The following PHF14 variants were observed in gnomAD, a reference collection of about 807,000 sequenced individuals.
PHF14 encodes PHD finger protein 14.
PHF14 carries 55 observed loss-of-function variants against 117.9 expected under a neutral mutation model. That is an observed-to-expected ratio of 0.47 (90% confidence interval 0.38 to 0.58). PHF14 has a LOEUF of 0.58. Among genes scored for constraint, PHF14 ranks in the 20% least tolerant of loss-of-function variants. The pLI, the probability that PHF14 is intolerant of heterozygous loss-of-function variation, is 0.00. For missense variants in PHF14, 978 were observed against 1,122.2 expected, an observed-to-expected ratio of 0.87 and a Z score of 1.84; for synonymous variants, 409 against 368.6, an observed-to-expected ratio of 1.11 and a Z score of -1.26.
At chr7:11,026,900 C>T (rs1783932255) in intron 6 of PHF14, among the ~76,000 whole-genome samples, 1 of 152,096 alleles carries the variant, frequency 6.6e-6, no homozygotes, top group African/African-American at 2.4e-5. Flanking sequence ...GGCTTCTCTG[C>T]AAAATCAGAT....
At chr7:11,117,085 T>C (rs937868602) in intron 17 of PHF14, among the ~76,000 whole-genome samples, 3 of 151,986 alleles carry the variant, frequency 2.0e-5, no homozygotes, top group Non-Finnish European at 4.4e-5. Context: ...CATGAACATG[T>C]ATAAATATTT....
Position 11,012,379 on chromosome 7 carries a change from G to A in PHF14, c.1046-1368G>A, listed in dbSNP as rs557508690. ...TAGCACATATTCAAGTCCCACAGTC[G>A]GACCTGGGGAACTTGGGTTATGAAA... On this transcript the variant is annotated intron_variant, in intron 4 of 17. Transcript: ENST00000634607. Among the ~76,000 whole-genome samples the A allele has an allele frequency of 1.4e-4, 22 of 152,206 alleles. No individual in the cohort carries two copies. In the East Asian group the frequency reaches 2.9e-3, roughly 20 times the overall value.
rs144484603 is a variant in PHF14, at chr7:11,061,784, T to C, written c.2482-7T>C. 95 of 1,498,464 alleles carry C rather than the reference T, an allele frequency of 6.3e-5. 3 individuals are homozygous for C. The African/African-American group carries it at 1.2e-3, about 18-fold the overall frequency. 92.8% of individuals were successfully genotyped at this position (1,498,464 alleles called of 1,614,324 possible). A position where few individuals can be genotyped will look rare whatever the true frequency, so the allele number is the denominator to read the frequency against. ...TGTTTTTTGTTTTTTTTTTTGTTTT[T>C]TTCCAGAGAACCAGAGGACGAAAAC... On this transcript the variant is annotated splice_region_variant and splice_polypyrimidine_tract_variant and intron_variant, in intron 14 of 17. Transcript: ENST00000634607.
At chr7:10,987,591 A>T (rs972004923) in intron 3 of PHF14, among the ~76,000 whole-genome samples, 1 of 152,294 alleles carries the variant, frequency 6.6e-6, no homozygotes, top group South Asian at 2.1e-4. Context: ...TCCTATAATT[A>T]CATTGGATTC....
intron 7 of PHF14, among the ~76,000 whole-genome samples, chr7:11,029,114 T>TA (rs149877086): frequency 0.033 from 5,043 of 151,378 alleles, 94 homozygotes; most frequent in African/African-American, 0.051. Flanking sequence ...GAATTATAGT[T>TA]AAAAAAAAAT....
At chr7:11,013,986 AT>A in intron 5 of PHF14, 80 bp downstream of exon 5, 1 of 859,122 alleles carries the variant, frequency 1.2e-6, no homozygotes, top group Non-Finnish European at 1.8e-6. Context: ...TCTGTTTATG[AT>A]TACACACTTT....
rs1788105498 is a variant in PHF14 at position 11,132,074 on chromosome 7, T to C, written c.2772+20607T>C. ...AAGTTAGCATATCCATCATGTCACA[T>C]AATTACCATTTTTTTGGGAGGGAAG... On this transcript the variant is annotated intron_variant, in intron 17 of 17. Coordinates refer to ENST00000634607, the MANE Select transcript of PHF14 (RefSeq NM_001007157.2). 2.0e-5 allele frequency among the ~76,000 whole-genome samples: 3 copies of C among 151,860 alleles called. No homozygotes were observed. In the South Asian group the frequency reaches 6.2e-4, roughly 31 times the overall value.
intron 16 of PHF14, among the ~76,000 whole-genome samples, chr7:11,090,553 AAG>A (rs1786604018): frequency 6.6e-6 from 1 of 152,084 alleles, no homozygotes; most frequent in African/African-American, 2.4e-5. Context: ...CTTTTTTTAA[AAG>A]AAAGTTGAGT....
At chr7:11,053,243 G>A (rs1784901570) in intron 14 of PHF14, among the ~76,000 whole-genome samples, 1 of 151,984 alleles carries the variant, frequency 6.6e-6, no homozygotes, top group South Asian at 2.1e-4. Flanking sequence ...TCTTATTCAG[G>A]AGATTCAGCT....
rs77429552 is a variant in PHF14, at chr7:10,981,572, A to C, written c.113-800A>C. 2.2e-4 allele frequency among the ~76,000 whole-genome samples: 33 copies of C among 152,264 alleles called. No homozygotes were observed. The East Asian group carries it at 6.4e-3, about 29-fold the overall frequency. The stretch of plus-strand genomic sequence containing the variant: ...TGAGCTCTTTAATGTCTTCAGCCTA[A>C]CTTTTTAGTAACCTCTGTGACTGCT... On this transcript the variant is annotated intron_variant, in intron 2 of 17. Transcript: ENST00000634607.
chr7:11,169,431 G>A lies in PHF14; in HGVS notation c.2788G>A (p.Ala930Thr). 1 of 1,471,416 alleles carries A rather than the reference G, an allele frequency of 6.8e-7. No homozygotes were observed. The highest frequency in any genetic ancestry group is 9.3e-7 in the Non-Finnish European group (1 of 1,078,302). 91.1% of individuals were successfully genotyped at this position (1,471,416 alleles called of 1,614,324 possible). Residue 930 changes from alanine (A) to threonine (T), a missense_variant, in exon 18 of 18, where the codon GCT (alanine) becomes ACT (threonine). Physicochemically the swap from Ala to Thr is moderately conservative, Grantham distance 58 (BLOSUM62 0). Transcript: ENST00000634607. ...SSSSKEDENE[A>T]ERKNISQELN... ...TATTTCACAGGAAGATGAAAATGAA[G>A]CTGAAAGAAAAAATATATCTCAGGA...
chr7:11,132,584 A>G (rs1562480533), intron 17 of PHF14, among the ~76,000 whole-genome samples: 1 of 151,778 alleles, frequency 6.6e-6, no homozygotes, highest in Non-Finnish European at 1.5e-5. Flanking sequence ...TGAGGTGGTG[A>G]TTTCATTTCC....
intron 17 of PHF14, among the ~76,000 whole-genome samples, chr7:11,117,141 C>T (rs1214918301): frequency 1.3e-5 from 2 of 151,926 alleles, no homozygotes; most frequent in Non-Finnish European, 2.9e-5. Context: ...ACAGACGCCA[C>T]TGAGGATTTA....
chr7:11,031,846 ATAGTC>A (rs1226302120), intron 7 of PHF14, among the ~76,000 whole-genome samples: 1 of 152,224 alleles, frequency 6.6e-6, no homozygotes, highest in Non-Finnish European at 1.5e-5. Context: ...TTTACATTAT[ATAGTC>A]TAAAGTTACT....
At chr7:11,100,840 C>T (rs1222980897) in intron 16 of PHF14, among the ~76,000 whole-genome samples, 1 of 152,054 alleles carries the variant, frequency 6.6e-6, no homozygotes, top group South Asian at 2.1e-4. Flanking sequence ...GGCATACTGC[C>T]TCACCGCACT....
chr7:10,986,833 G>A (rs1424754656), intron 3 of PHF14, among the ~76,000 whole-genome samples: 4 of 152,142 alleles, frequency 2.6e-5, no homozygotes, highest in African/African-American at 9.7e-5. Context: ...ATTAATCCAT[G>A]ACCGTAAATT....
chr7:11,058,272 C>G, intron 14 of PHF14, among the ~76,000 whole-genome samples: 1 of 152,034 alleles, frequency 6.6e-6, no homozygotes, highest in East Asian at 1.9e-4. Context: ...TACCATTTCT[C>G]CCTCTTTTAA....
intron 17 of PHF14, among the ~76,000 whole-genome samples, chr7:11,132,245 A>G (rs1252006345): frequency 6.7e-6 from 1 of 149,664 alleles, no homozygotes; most frequent in African/African-American, 2.5e-5. Flanking sequence ...TCTGACCTCT[A>G]CTTGCCCATT....
At chr7:11,059,863 A>G (rs576511029) in intron 14 of PHF14, among the ~76,000 whole-genome samples, 4 of 152,198 alleles carry the variant, frequency 2.6e-5, no homozygotes, top group South Asian at 4.1e-4. Context: ...CTTTTTGTCA[A>G]ATTTTTATTT....
Sources: allele counts gnomAD v4.1 joint callset (sites outside exome capture counted in the v4.1 genomes callset), GRCh38; gene constraint gnomAD v4.1.1; transcripts MANE v1.5; gene names NCBI Gene and HGNC (gene_info 2026-07-23, HGNC 2026-07-21).